NCAM2: variants seen among roughly 807,000 people sequenced by gnomAD.
NCAM2 encodes the protein N-CAM-2.
In NCAM2, 30 loss-of-function variants were observed where a neutral mutation model predicts 98.1. The observed-to-expected ratio is 0.31, with a 90% confidence interval of 0.23 to 0.41. The LOEUF is 0.41. NCAM2 is among the 10% of genes least tolerant of loss of function. The pLI is 1.00. For missense variants in NCAM2, 867 were observed against 1,005.8 expected (o/e 0.86, Z 1.87); for synonymous variants, 368 against 342.4 (o/e 1.07, Z -0.83).
At chr21:21,151,076 T>C (rs576837887) in intron 1 of NCAM2, among the ~76,000 whole-genome samples, 2 of 152,044 alleles carry the variant, frequency 1.3e-5, no homozygotes, top group South Asian at 4.1e-4. Flanking sequence ...TGATTAAATT[T>C]ATATTTTTAT....
chr21:21,455,563 T>G (rs1982021090), intron 12 of NCAM2, among the ~76,000 whole-genome samples: 2 of 151,998 alleles, frequency 1.3e-5, no homozygotes, highest in Admixed American at 1.3e-4. Context: ...AAAACATGTT[T>G]TAAAATGCTA....
At chr21:21,444,838 T>C (rs1268211760) in intron 12 of NCAM2, among the ~76,000 whole-genome samples, 2 of 152,148 alleles carry the variant, frequency 1.3e-5, no homozygotes, top group Non-Finnish European at 2.9e-5. Flanking sequence ...CCCCTTCAAT[T>C]CTTCTCTGAT....
intron 11 of NCAM2, among the ~76,000 whole-genome samples, chr21:21,427,196 G>T (rs1287336798): frequency 4.6e-5 from 7 of 151,270 alleles, no homozygotes; most frequent in Admixed American, 4.6e-4. Context: ...AGAAGAGTAT[G>T]TTTCCTGAGA....
At chr21:21,341,834 C>G (rs938271014) in intron 8 of NCAM2, among the ~76,000 whole-genome samples, 2 of 150,988 alleles carry the variant, frequency 1.3e-5, no homozygotes, top group Non-Finnish European at 2.9e-5. Context: ...ATTAGATAAA[C>G]ATACTCAACA....
At chr21:21,210,654 T>A in intron 1 of NCAM2, 1 of 1,281,780 alleles carries the variant, frequency 7.8e-7, no homozygotes, top group Non-Finnish European at 1.0e-6. Context: ...AAGCACTTTA[T>A]CTTGAAGAAG....
At chr21:21,083,113 T>C (rs1390593498) in intron 1 of NCAM2, among the ~76,000 whole-genome samples, 1 of 152,136 alleles carries the variant, frequency 6.6e-6, no homozygotes, top group East Asian at 1.9e-4. Context: ...TCAGTAATAG[T>C]AGTAGTAACA....
At chr21:21,142,347 T>A (rs996953292) in intron 1 of NCAM2, among the ~76,000 whole-genome samples, 3 of 151,536 alleles carry the variant, frequency 2.0e-5, no homozygotes, top group African/African-American at 7.3e-5. Flanking sequence ...TTAACTTCAC[T>A]TTTTAAATTA....
intron 9 of NCAM2, among the ~76,000 whole-genome samples, chr21:21,408,958 AACTGGATAT>A (rs757955393): frequency 0.11 from 16,798 of 149,968 alleles, 1,246 homozygotes; most frequent in Middle Eastern, 0.21. Flanking sequence ...GATATAACAA[AACTGGATAT>A]TGCTTTTTTA....
At chr21:21,331,780 T>A (rs1434912484) in intron 6 of NCAM2, among the ~76,000 whole-genome samples, 1 of 148,520 alleles carries the variant, frequency 6.7e-6, no homozygotes, top group African/African-American at 2.5e-5. Context: ...AGAGATGGGG[T>A]TTTGGTATGT....
intron 15 of NCAM2, among the ~76,000 whole-genome samples, chr21:21,500,006 T>G (rs1043124317): frequency 5.9e-5 from 9 of 152,084 alleles, no homozygotes; most frequent in African/African-American, 9.7e-5. Context: ...CAATATATAT[T>G]ATAAAATACT....
At chr21:21,513,130 G>A (rs919677208) in intron 16 of NCAM2, among the ~76,000 whole-genome samples, 4 of 152,020 alleles carry the variant, frequency 2.6e-5, no homozygotes, top group Non-Finnish European at 5.9e-5. Flanking sequence ...TAATACCAGT[G>A]GTGAAAGTAG....
intron 1 of NCAM2, among the ~76,000 whole-genome samples, chr21:21,159,231 G>A (rs974609143): frequency 2.0e-5 from 3 of 151,980 alleles, no homozygotes; most frequent in Admixed American, 2.0e-4. Flanking sequence ...ATTACAAAAA[G>A]AGTCAAATTT....
At chr21:21,279,402 A>G (rs2072845739) in intron 1 of NCAM2, among the ~76,000 whole-genome samples, 1 of 152,216 alleles carries the variant, frequency 6.6e-6, no homozygotes, top group East Asian at 1.9e-4. Flanking sequence ...TCTTGTTGCC[A>G]GGCTGGATTG....
chr21:21,149,285 A>G (rs1380113022), intron 1 of NCAM2, among the ~76,000 whole-genome samples: 2 of 152,216 alleles, frequency 1.3e-5, no homozygotes, highest in African/African-American at 4.8e-5. Flanking sequence ...CATTGAATCT[A>G]TAGGTCAACT....
chr21:21,389,047 A>G (rs1375479147), intron 9 of NCAM2, among the ~76,000 whole-genome samples: 1 of 152,210 alleles, frequency 6.6e-6, no homozygotes, highest in Non-Finnish European at 1.5e-5. Flanking sequence ...CACTTCAAAC[A>G]GTTATCATTT....
At chr21:21,251,754 T>TTC (rs2147290500) in intron 1 of NCAM2, among the ~76,000 whole-genome samples, 1 of 151,696 alleles carries the variant, frequency 6.6e-6, no homozygotes, top group Admixed American at 6.6e-5. Flanking sequence ...GTTTTTTTTT[T>TTC]TTTCTTGTAA....
At chr21:21,028,735 T>G (rs1319405644) in intron 1 of NCAM2, among the ~76,000 whole-genome samples, 1 of 152,218 alleles carries the variant, frequency 6.6e-6, no homozygotes, top group East Asian at 1.9e-4. Context: ...TAGATATGAT[T>G]TGTCTATTAT....
intron 11 of NCAM2, 27 bp downstream of exon 11, chr21:21,418,596 A>T (rs772742861): frequency 6.9e-7 from 1 of 1,442,264 alleles, no homozygotes; most frequent in Admixed American, 1.7e-5. Flanking sequence ...AATTTTTGAG[A>T]TCGCACACAA....
intron 15 of NCAM2, among the ~76,000 whole-genome samples, chr21:21,496,373 A>T (rs1298564112): frequency 6.6e-6 from 1 of 152,042 alleles, no homozygotes; most frequent in African/African-American, 2.4e-5. Flanking sequence ...TAATGATGCT[A>T]AGCATTTTTT....
Sources: gnomAD v4.1 joint callset for allele counts (sites outside exome capture counted in the v4.1 genomes callset) on GRCh38, gnomAD v4.1.1 for gene constraint, MANE v1.5 for transcripts, NCBI Gene and HGNC (gene_info 2026-07-23, HGNC 2026-07-21) for gene names.